The following APBB2 variants were observed in gnomAD, a reference collection of about 807,000 sequenced individuals.
The protein encoded by APBB2 is Fe65-like 1.
In APBB2, 38 loss-of-function variants were observed where a neutral mutation model predicts 82.5. The ratio of observed to expected loss-of-function variants is 0.46; its 90% CI spans 0.36 to 0.60. APBB2 has a LOEUF of 0.60. Among genes scored for constraint, APBB2 ranks in the 20% least tolerant of loss-of-function variants. The probability of loss-of-function intolerance (pLI) is 0.00; values close to 1 mark genes in which losing one functional copy is unlikely to be tolerated. For synonymous variants in APBB2, 341 were observed against 368.2 expected (o/e 0.93, Z 0.85); for missense variants, 772 against 972.3 (o/e 0.79, Z 2.74).
intron 5 of APBB2, among the ~76,000 whole-genome samples, chr4:41,019,859 G>A (rs1022229955): frequency 1.3e-5 from 2 of 152,040 alleles, no homozygotes; most frequent in Non-Finnish European, 2.9e-5. Context: ...GCAGCAGAAA[G>A]GAAAGAGACA....
chr4:40,930,021 T>A (rs1359637158), intron 10 of APBB2, among the ~76,000 whole-genome samples: 9 of 152,090 alleles, frequency 5.9e-5, no homozygotes, highest in Non-Finnish European at 1.5e-5. Flanking sequence ...CAGAGGAGCA[T>A]GTGAAATAAT....
At chr4:40,898,276 A>T (rs1774260563) in intron 10 of APBB2, among the ~76,000 whole-genome samples, 1 of 152,080 alleles carries the variant, frequency 6.6e-6, no homozygotes, top group Non-Finnish European at 1.5e-5. Flanking sequence ...TTTGTTTATT[A>T]TTTTTGAGAT....
chr4:41,150,968 C>A (rs1170452023), intron 1 of APBB2, among the ~76,000 whole-genome samples: 1 of 152,118 alleles, frequency 6.6e-6, no homozygotes, highest in Non-Finnish European at 1.5e-5. Flanking sequence ...GAACTCCTGA[C>A]CTCAGGTGAT....
intron 3 of APBB2, among the ~76,000 whole-genome samples, chr4:41,090,852 C>A (rs966818515): frequency 6.6e-6 from 1 of 152,084 alleles, no homozygotes; most frequent in African/African-American, 2.4e-5. Context: ...GGGAAGAAGG[C>A]ATAGAGGGCT....
At chr4:41,001,505 C>T (rs1805220163) in intron 6 of APBB2, among the ~76,000 whole-genome samples, 1 of 152,180 alleles carries the variant, frequency 6.6e-6, no homozygotes, top group African/African-American at 2.4e-5. Flanking sequence ...TATCAACTAA[C>T]AACATCTAAT....
chr4:40,853,947 T>C (rs1419215722), intron 12 of APBB2, among the ~76,000 whole-genome samples: 2 of 152,182 alleles, frequency 1.3e-5, no homozygotes, highest in African/African-American at 4.8e-5. Context: ...GCTTCCTGAA[T>C]TGTTTTTCCG....
chr4:41,069,006 G>A (rs1196754997), intron 3 of APBB2, among the ~76,000 whole-genome samples: 2 of 152,010 alleles, frequency 1.3e-5, no homozygotes, highest in Non-Finnish European at 2.9e-5. Context: ...ATGTTGGCCA[G>A]GATGGTCTCG....
intron 1 of APBB2, among the ~76,000 whole-genome samples, chr4:41,181,239 G>A (rs1007328527): frequency 2.6e-5 from 4 of 152,148 alleles, no homozygotes; most frequent in South Asian, 2.1e-4. Flanking sequence ...GGGAGTTGGG[G>A]AAGTTGCCAG....
chr4:40,894,260 C>T (rs1272608712), intron 10 of APBB2, among the ~76,000 whole-genome samples: 1 of 151,850 alleles, frequency 6.6e-6, no homozygotes, highest in Non-Finnish European at 1.5e-5. Flanking sequence ...TGCACTCCAG[C>T]CTGGGTGACA....
intron 10 of APBB2, among the ~76,000 whole-genome samples, chr4:40,910,002 C>T (rs949226264): frequency 6.6e-6 from 1 of 152,146 alleles, no homozygotes; most frequent in African/African-American, 2.4e-5. Context: ...AAATAAACAG[C>T]AGAGCTAGAT....
chr4:40,950,237 C>T (rs887825238), intron 6 of APBB2, among the ~76,000 whole-genome samples: 8 of 152,108 alleles, frequency 5.3e-5, no homozygotes, highest in Non-Finnish European at 1.0e-4. Context: ...TACTACTGCT[C>T]GTAGAAGGGT....
At chr4:40,862,856 CAAAA>C (rs34255688) in intron 12 of APBB2, among the ~76,000 whole-genome samples, 13 of 118,610 alleles carry the variant, frequency 1.1e-4, no homozygotes, top group African/African-American at 1.2e-4. Context: ...GACTCCATCT[CAAAA>C]AAAAAAAAAA....
At chr4:41,058,626 C>T (rs567985876) in intron 4 of APBB2, among the ~76,000 whole-genome samples, 3 of 152,308 alleles carry the variant, frequency 2.0e-5, no homozygotes, top group Admixed American at 6.5e-5. Flanking sequence ...CTATGCTACA[C>T]TACAAAAATG....
chr4:41,203,303 CTG>C (rs1365720640), intron 1 of APBB2, among the ~76,000 whole-genome samples: 3 of 152,126 alleles, frequency 2.0e-5, no homozygotes, highest in African/African-American at 7.2e-5. Flanking sequence ...CAGGAGATGA[CTG>C]TGATCATGAG....
intron 4 of APBB2, among the ~76,000 whole-genome samples, chr4:41,043,715 T>C (rs1722357946): frequency 6.6e-6 from 1 of 151,754 alleles, no homozygotes. Context: ...GTTCCTGGCA[T>C]TTCTTTATGA....
At chr4:41,120,470 C>T (rs750929129) in intron 2 of APBB2, among the ~76,000 whole-genome samples, 3 of 152,176 alleles carry the variant, frequency 2.0e-5, no homozygotes, top group Admixed American at 6.5e-5. Context: ...AAACAGACCT[C>T]GTTCCAGTGC....
intron 6 of APBB2, among the ~76,000 whole-genome samples, chr4:40,998,778 A>T (rs921706992): frequency 1.2e-4 from 19 of 152,194 alleles, no homozygotes; most frequent in African/African-American, 2.7e-4. Flanking sequence ...AAGTAAAATA[A>T]GGGTGACTTG....
At chr4:41,024,922 A>G (rs757298453) in intron 5 of APBB2, among the ~76,000 whole-genome samples, 23 of 152,206 alleles carry the variant, frequency 1.5e-4, no homozygotes, top group Non-Finnish European at 2.9e-4. Context: ...ACCTGTCACA[A>G]TTTAATTAAC....
At chr4:41,207,837 C>T (rs1351278887) in intron 1 of APBB2, 1 of 152,132 alleles carries the variant, frequency 6.6e-6, no homozygotes, top group Non-Finnish European at 1.5e-5. Flanking sequence ...CCAGACTTAC[C>T]AATTTCATGG....
Sources: allele counts gnomAD v4.1 joint callset (sites outside exome capture counted in the v4.1 genomes callset), GRCh38; gene constraint gnomAD v4.1.1; transcripts MANE v1.5; gene names NCBI Gene and HGNC (gene_info 2026-07-23, HGNC 2026-07-21).